Variants in TENM4 observed in about 807,000 individuals in gnomAD.
TENM4 encodes the protein teneurin transmembrane protein 4.
TENM4 carries 82 observed loss-of-function variants against 243.3 expected under a neutral mutation model. The ratio of observed to expected loss-of-function variants is 0.34; its 90% CI spans 0.28 to 0.40. The LOEUF (loss-of-function observed/expected upper bound fraction) is 0.40. TENM4 is among the 10% of genes least tolerant of loss of function. The pLI, the probability that TENM4 is intolerant of heterozygous loss-of-function variation, is 1.00. For synonymous variants in TENM4, 1,412 were observed against 1,456.3 expected (o/e 0.97, Z 0.69); for missense variants, 3,138 against 3,673.3 (o/e 0.85, Z 3.77).
chr11:78,920,858 G>A (rs116726154), intron 6 of TENM4, among the ~76,000 whole-genome samples: 1,995 of 152,340 alleles, frequency 0.013, 56 homozygotes, highest in African/African-American at 0.046. Flanking sequence ...CCTTGTGTCA[G>A]GTCAACCAAA....
At chr11:79,319,001 A>C (rs762256842) in intron 1 of TENM4, among the ~76,000 whole-genome samples, 1 of 152,196 alleles carries the variant, frequency 6.6e-6, no homozygotes, top group Non-Finnish European at 1.5e-5. Flanking sequence ...TGCTGGTGGC[A>C]CTTCAGGGCC....
At chr11:78,733,306 T>C (rs1016336031) in intron 20 of TENM4, among the ~76,000 whole-genome samples, 1 of 152,208 alleles carries the variant, frequency 6.6e-6, no homozygotes, top group Non-Finnish European at 1.5e-5. Flanking sequence ...CCTCTGTTCA[T>C]CAGCCTCTGA....
At chr11:78,888,944 G>A (rs1219178453) in intron 9 of TENM4, among the ~76,000 whole-genome samples, 1 of 152,208 alleles carries the variant, frequency 6.6e-6, no homozygotes, top group East Asian at 1.9e-4. Context: ...TATAGAGGCA[G>A]CAGATGCTAC....
chr11:79,246,752 A>G (rs983601181), intron 2 of TENM4, among the ~76,000 whole-genome samples: 1 of 152,146 alleles, frequency 6.6e-6, no homozygotes, highest in African/African-American at 2.4e-5. Context: ...GATGCCAAAC[A>G]ATAAAGGAAA....
At chr11:78,968,957 G>A (rs529985878) in intron 6 of TENM4, among the ~76,000 whole-genome samples, 6 of 152,296 alleles carry the variant, frequency 3.9e-5, no homozygotes, top group Non-Finnish European at 8.8e-5. Flanking sequence ...GCCCAATGTC[G>A]CTGCTGGCTG....
intron 2 of TENM4, among the ~76,000 whole-genome samples, chr11:79,285,550 G>T (rs1413796334): frequency 1.3e-5 from 2 of 152,084 alleles, no homozygotes; most frequent in South Asian, 2.1e-4. Flanking sequence ...ATAAAAACTT[G>T]TCCATGAATG....
At chr11:79,363,669 A>G (rs1329441817) in intron 1 of TENM4, among the ~76,000 whole-genome samples, 1 of 152,258 alleles carries the variant, frequency 6.6e-6, no homozygotes, top group Non-Finnish European at 1.5e-5. Context: ...TAATTATCAT[A>G]GTAATTCTTT....
rs1214131423 is a variant in TENM4, at chr11:78,812,193, C to T, written c.1907G>A (p.Ser636Asn). 7 of 1,551,766 alleles carry T rather than the reference C, an allele frequency of 4.5e-6. No homozygotes were observed. Among genetic ancestry groups the T allele is most frequent in the African/African-American group, 1.4e-5 (1 of 73,058 alleles). Residue 636 changes from serine (S) to asparagine (N), a missense_variant, in exon 14 of 34, where the codon AGC becomes AAC. Ser to Asn is a conservative substitution (Grantham distance 46, BLOSUM62 1). Transcript: ENST00000278550. ...PTNQCIDVAC[S>N]NHGTCITGTC... Reference sequence around the variant, plus strand: ...GCCCGTGATGCAGGTGCCATGGTTGCTGCAGGCCACATCGATACACTGGTT... The same window carrying T: ...GCCCGTGATGCAGGTGCCATGGTTGTTGCAGGCCACATCGATACACTGGTT...
At chr11:79,250,793 G>C (rs906236670) in intron 2 of TENM4, among the ~76,000 whole-genome samples, 1 of 152,228 alleles carries the variant, frequency 6.6e-6, no homozygotes, top group African/African-American at 2.4e-5. Flanking sequence ...CTTGCTAGGC[G>C]AAGCTTAAAC....
At chr11:79,325,425 C>T (rs1457697936) in intron 1 of TENM4, among the ~76,000 whole-genome samples, 2 of 152,164 alleles carry the variant, frequency 1.3e-5, no homozygotes, top group Non-Finnish European at 2.9e-5. Flanking sequence ...CAAAATTTCC[C>T]CTCTGCCTTG....
intron 25 of TENM4, among the ~76,000 whole-genome samples, chr11:78,715,436 C>T (rs1859499624): frequency 6.6e-6 from 1 of 152,152 alleles, no homozygotes; most frequent in Non-Finnish European, 1.5e-5. Flanking sequence ...CTTAGATTAG[C>T]CCCCTGAGTT....
At chr11:78,832,905 T>A (rs1858015694) in intron 12 of TENM4, among the ~76,000 whole-genome samples, 1 of 152,240 alleles carries the variant, frequency 6.6e-6, no homozygotes, top group African/African-American at 2.4e-5. Flanking sequence ...TTATTCTAGA[T>A]AATGAATGCC....
chr11:78,740,082 C>T (rs113412216), intron 19 of TENM4, among the ~76,000 whole-genome samples: 167 of 152,350 alleles, frequency 1.1e-3, no homozygotes, highest in Non-Finnish European at 1.9e-3. Flanking sequence ...CTGCGCACCA[C>T]ATAACCTTCT....
intron 1 of TENM4, among the ~76,000 whole-genome samples, chr11:79,350,927 G>A (rs1422914711): frequency 6.6e-6 from 1 of 151,866 alleles, no homozygotes; most frequent in African/African-American, 2.4e-5. Flanking sequence ...CCTCACACTG[G>A]CCTCCAAGAT....
At chr11:78,923,359 G>A (rs1330392053) in intron 6 of TENM4, among the ~76,000 whole-genome samples, 1 of 148,018 alleles carries the variant, frequency 6.8e-6, no homozygotes. Flanking sequence ...TTTCCCTTGA[G>A]TAACAACAGT....
intron 4 of TENM4, among the ~76,000 whole-genome samples, chr11:79,110,960 C>G (rs1237543267): frequency 6.6e-6 from 1 of 152,138 alleles, no homozygotes; most frequent in Non-Finnish European, 1.5e-5. Flanking sequence ...CTGGAACCTC[C>G]TTGATATGGT....
chr11:78,668,061 G>A (rs1407560313), intron 32 of TENM4, among the ~76,000 whole-genome samples: 3 of 152,134 alleles, frequency 2.0e-5, no homozygotes, highest in Admixed American at 2.0e-4. Flanking sequence ...TTTCAAGTTA[G>A]GGGGTAAAGG....
intron 6 of TENM4, among the ~76,000 whole-genome samples, chr11:78,986,934 C>T (rs1240474647): frequency 6.6e-6 from 1 of 152,150 alleles, no homozygotes; most frequent in African/African-American, 2.4e-5. Context: ...GTTCCCTCAA[C>T]TGTCAAATGA....
At chr11:79,207,439 A>G (rs959227896) in intron 3 of TENM4, among the ~76,000 whole-genome samples, 1 of 152,252 alleles carries the variant, frequency 6.6e-6, no homozygotes, top group African/African-American at 2.4e-5. Context: ...AATTATACAC[A>G]TAAAGTTCCA....
Sources: gnomAD v4.1 joint callset for allele counts (sites outside exome capture counted in the v4.1 genomes callset) on GRCh38, gnomAD v4.1.1 for gene constraint, MANE v1.5 for transcripts, NCBI Gene and HGNC (gene_info 2026-07-23, HGNC 2026-07-21) for gene names.